The following PTPN20 variants were observed in gnomAD, a reference collection of about 807,000 sequenced individuals.
The protein encoded by PTPN20 is protein tyrosine phosphatase non-receptor type 20, also known as tyrosine-protein phosphatase non-receptor type 20.
PTPN20 carries 9 observed loss-of-function variants against 35.0 expected under a neutral mutation model. That is an observed-to-expected ratio of 0.26 (90% CI 0.15 to 0.45). The LOEUF (loss-of-function observed/expected upper bound fraction) is 0.45. Ranked by LOEUF, PTPN20 falls within the 20% of genes least tolerant of loss-of-function variation. PTPN20 has a pLI of 1.00. For synonymous variants in PTPN20, 32 were observed against 100.2 expected (o/e 0.32, Z 4.06); for missense variants, 111 against 312.5 (o/e 0.36, Z 4.86).
At chr10:46,998,314 G>C (rs1353125747) in intron 9 of PTPN20, among the ~76,000 whole-genome samples, 2 of 152,026 alleles carry the variant, frequency 1.3e-5, no homozygotes, top group African/African-American at 2.4e-5. Flanking sequence ...GCAAACTATT[G>C]TTACACCAAC....
intron 2 of PTPN20, among the ~76,000 whole-genome samples, chr10:46,937,628 A>G (rs2042075202): frequency 6.6e-6 from 1 of 150,520 alleles, no homozygotes; most frequent in African/African-American, 2.5e-5. Flanking sequence ...CTGTTAATTT[A>G]TTTTAGTTCA....
At chr10:46,985,349 G>T (rs1254734084) in intron 8 of PTPN20, among the ~76,000 whole-genome samples, 1 of 148,960 alleles carries the variant, frequency 6.7e-6, no homozygotes, top group African/African-American at 2.5e-5. Context: ...TTGGCATGGG[G>T]GTGGAAAGCA....
At chr10:46,979,924 C>G (rs1254800385) in intron 7 of PTPN20, among the ~76,000 whole-genome samples, 2 of 150,588 alleles carry the variant, frequency 1.3e-5, no homozygotes, top group African/African-American at 4.9e-5. Flanking sequence ...TAATTTAGTT[C>G]TCAGGGATCT....
intron 2 of PTPN20, among the ~76,000 whole-genome samples, chr10:46,937,531 C>G (rs1215196338): frequency 2.0e-5 from 3 of 150,970 alleles, no homozygotes; most frequent in African/African-American, 7.3e-5. Context: ...TGTTCAGTCT[C>G]TTTTTTTCGC....
At chr10:46,919,450 G>C in intron 1 of PTPN20, among the ~76,000 whole-genome samples, 1 of 139,568 alleles carries the variant, frequency 7.2e-6, no homozygotes, top group South Asian at 2.5e-4. Flanking sequence ...CCCTTATGTT[G>C]CTTCTGCTTT....
Position 46,998,237 on chromosome 10 carries a change from A to T in PTPN20, c.1135-1675A>T, listed in dbSNP as rs913612088. Among the ~76,000 whole-genome samples the T allele has an allele frequency of 9.2e-5, 14 of 152,308 alleles. No homozygotes were observed. In the East Asian group the frequency reaches 2.5e-3, roughly 27 times the overall value. On this transcript the variant is annotated intron_variant, in intron 9 of 10. Coordinates refer to ENST00000374339, the MANE Select transcript of PTPN20 (RefSeq NM_001042357.5). ...ACCAGAACAACCCAGATGTCCTTCA[A>T]CAAATTGATGGTTAAATAAAGTGGC...
At chr10:46,992,214 T>G (rs2058108140) in intron 9 of PTPN20, among the ~76,000 whole-genome samples, 1 of 150,324 alleles carries the variant, frequency 6.7e-6, no homozygotes, top group African/African-American at 2.4e-5. Context: ...CCTCCACCTC[T>G]CAGGTTCAAG....
intron 6 of PTPN20, among the ~76,000 whole-genome samples, chr10:46,965,924 CT>C (rs1411717020): frequency 4.3e-5 from 1 of 23,496 alleles, no homozygotes; most frequent in Non-Finnish European, 6.3e-5. Context: ...ATTGGTTACT[CT>C]TTTTTTTTTT....
intron 1 of PTPN20, among the ~76,000 whole-genome samples, chr10:46,928,390 A>G (rs1458308206): frequency 1.3e-5 from 2 of 151,308 alleles, no homozygotes; most frequent in African/African-American, 4.9e-5. Flanking sequence ...GGCTTTTTAA[A>G]AGTCAACTTT....
intron 2 of PTPN20, 103 bp from the exon 3 acceptor site, chr10:46,940,520 T>C (rs1206345769): frequency 2.3e-6 from 3 of 1,301,034 alleles, no homozygotes; most frequent in Non-Finnish European, 3.3e-6. Flanking sequence ...GAAAAGTAGA[T>C]GAAAATGCCC....
intron 9 of PTPN20, among the ~76,000 whole-genome samples, chr10:46,992,270 G>A (rs1265662192): frequency 9.2e-5 from 14 of 151,618 alleles, no homozygotes; most frequent in South Asian, 2.1e-4. Context: ...CTACAAGCGC[G>A]TGCCACCAAG....
chr10:46,937,862 T>G (rs2042175578), intron 2 of PTPN20, among the ~76,000 whole-genome samples: 1 of 151,128 alleles, frequency 6.6e-6, no homozygotes. Flanking sequence ...TACCTGTTAA[T>G]TGTTTACTAC....
intron 9 of PTPN20, 133 bp from the exon 10 acceptor site, chr10:46,999,779 G>A: frequency 2.8e-6 from 3 of 1,075,506 alleles, no homozygotes; most frequent in Admixed American, 3.9e-5. Flanking sequence ...GTTAAAAATA[G>A]CACATTTTCT....
Position 46,932,338 on chromosome 10 carries a change from G to T in PTPN20, c.-123-39G>T, listed in dbSNP as rs1589282648. On this transcript the variant is annotated intron_variant, in intron 1 of 10. Coordinates refer to ENST00000374339, the MANE Select transcript of PTPN20 (RefSeq NM_001042357.5). The stretch of plus-strand genomic sequence containing the variant: ...TGTCAAAGCTGTGATAGCTCCAGTT[G>T]TGTAACAGAAAAATCTTTGGCTTTG... 10 of 1,593,796 alleles carry T rather than the reference G, an allele frequency of 6.3e-6. No individual in the cohort carries two copies. In the East Asian group the frequency reaches 2.2e-4, roughly 36 times the overall value.
intron 5 of PTPN20, among the ~76,000 whole-genome samples, chr10:46,952,768 G>A (rs2047077544): frequency 6.6e-6 from 1 of 151,856 alleles, no homozygotes; most frequent in African/African-American, 2.4e-5. Context: ...ACACCCTAGA[G>A]GATCACCTGC....
At chr10:46,996,641 T>A (rs2059148123) in intron 9 of PTPN20, among the ~76,000 whole-genome samples, 2 of 152,196 alleles carry the variant, frequency 1.3e-5, no homozygotes, top group Non-Finnish European at 2.9e-5. Context: ...AAGTCCATAG[T>A]CCATTTTGAG....
At chr10:46,928,603 A>G (rs1488873348) in intron 1 of PTPN20, among the ~76,000 whole-genome samples, 1 of 151,790 alleles carries the variant, frequency 6.6e-6, no homozygotes, top group African/African-American at 2.4e-5. Context: ...ATACTCACAC[A>G]CTACAGGGAA....
intron 2 of PTPN20, among the ~76,000 whole-genome samples, chr10:46,940,151 G>A (rs1414743503): frequency 0.021 from 3,094 of 148,374 alleles, 18 homozygotes; most frequent in Middle Eastern, 0.068. Flanking sequence ...CAACAAAGCC[G>A]AAAACAATTT....
At position 46,984,394 on chromosome 10, in the gene PTPN20, G is replaced by A. The variant is rs2056447558; in HGVS notation, c.748G>A (p.Val250Ile). 4 of 1,611,872 alleles carry A rather than the reference G, an allele frequency of 2.5e-6. No individual in the cohort carries two copies. Among genetic ancestry groups the A allele is most frequent in the African/African-American group, 1.3e-5 (1 of 74,938 alleles). ...WQMVLENNSNVIAMITREIEG... is the reference protein window; with the variant it reads ...WQMVLENNSNIIAMITREIEG... ...AATGGTGTTGGAAAATAATTCAAAT[G>A]TTATTGCCATGATAACCAGAGAGAT... The change falls in exon 8 of 11, where the codon GTT becomes ATT. Residue 250 changes from valine (V) to isoleucine (I), a missense_variant. By Grantham distance (29) the Val-to-Ile change is conservative. Transcript: ENST00000374339.
Sources: gnomAD v4.1 joint callset for allele counts (sites outside exome capture counted in the v4.1 genomes callset) on GRCh38, gnomAD v4.1.1 for gene constraint, MANE v1.5 for transcripts, NCBI Gene and HGNC (gene_info 2026-07-23, HGNC 2026-07-21) for gene names.